KHDRBS2: variants seen among roughly 807,000 people sequenced by gnomAD.
The protein encoded by KHDRBS2 is KH domain-containing, RNA-binding, signal transduction-associated protein 2.
KHDRBS2 carries 26 observed loss-of-function variants against 44.3 expected under a neutral mutation model. The observed-to-expected ratio is 0.59, with a 90% CI of 0.43 to 0.81. KHDRBS2 has a LOEUF of 0.81. Ranked by LOEUF, KHDRBS2 falls within the 40% of genes least tolerant of loss-of-function variation. The probability of loss-of-function intolerance (pLI) is 0.00; values close to 1 mark genes in which losing one functional copy is unlikely to be tolerated. For missense variants in KHDRBS2, 476 were observed against 433.1 expected, an observed-to-expected ratio of 1.10 and a Z score of -0.88; for synonymous variants, 194 against 151.1, an observed-to-expected ratio of 1.28 and a Z score of -2.08.
chr6:61,727,088 G>A (rs894854509), intron 7 of KHDRBS2, among the ~76,000 whole-genome samples: 3 of 151,930 alleles, frequency 2.0e-5, no homozygotes, highest in African/African-American at 7.3e-5. Flanking sequence ...TAGAACAATG[G>A]AACAGAATAA....
chr6:62,060,174 T>G (rs1005205079), intron 2 of KHDRBS2, among the ~76,000 whole-genome samples: 13 of 151,596 alleles, frequency 8.6e-5, no homozygotes, highest in African/African-American at 2.9e-4. Context: ...AAGTAATTCG[T>G]TTTGAAGGGG....
chr6:62,026,738 T>C (rs1442965952), intron 3 of KHDRBS2, among the ~76,000 whole-genome samples: 2 of 152,076 alleles, frequency 1.3e-5, no homozygotes, highest in Admixed American at 1.3e-4. Flanking sequence ...TAAAAGTTAG[T>C]ATGATTGAAT....
intron 6 of KHDRBS2, among the ~76,000 whole-genome samples, chr6:61,862,002 T>C (rs1478709140): frequency 1.3e-5 from 2 of 152,124 alleles, no homozygotes; most frequent in African/African-American, 4.8e-5. Flanking sequence ...ATTAATGATT[T>C]GGTTCCCTGC....
chr6:62,138,539 T>TA (rs1812066739), intron 2 of KHDRBS2, among the ~76,000 whole-genome samples: 1 of 152,218 alleles, frequency 6.6e-6, no homozygotes, highest in Non-Finnish European at 1.5e-5. Context: ...AGTCTGATTT[T>TA]AAAAAGTGAT....
chr6:61,914,475 C>G (rs1431461855), intron 4 of KHDRBS2, among the ~76,000 whole-genome samples: 2 of 132,850 alleles, frequency 1.5e-5, no homozygotes, highest in Non-Finnish European at 3.0e-5. Flanking sequence ...CACATGGACA[C>G]AGGAAGGGGA....
chr6:61,837,809 G>C (rs1329863983), intron 6 of KHDRBS2, among the ~76,000 whole-genome samples: 2 of 151,954 alleles, frequency 1.3e-5, no homozygotes, highest in African/African-American at 4.8e-5. Context: ...TATAACACCT[G>C]CATACCATCC....
chr6:62,118,020 C>T (rs1438354852), intron 2 of KHDRBS2, among the ~76,000 whole-genome samples: 1 of 152,178 alleles, frequency 6.6e-6, no homozygotes, highest in Admixed American at 6.5e-5. Context: ...AAGTGATCTG[C>T]CCGCCTTGGC....
intron 1 of KHDRBS2, among the ~76,000 whole-genome samples, chr6:62,181,686 T>G (rs1167414897): frequency 6.6e-6 from 1 of 152,026 alleles, no homozygotes; most frequent in East Asian, 1.9e-4. Context: ...TCTGAAAGTT[T>G]GTGCCCCCAC....
chr6:61,713,459 C>A (rs1357177498), intron 7 of KHDRBS2, among the ~76,000 whole-genome samples: 1 of 151,648 alleles, frequency 6.6e-6, no homozygotes, highest in African/African-American at 2.4e-5. Context: ...TTTTCCAATT[C>A]TATGATTTAA....
intron 6 of KHDRBS2, among the ~76,000 whole-genome samples, chr6:61,820,546 A>G (rs1485735057): frequency 6.6e-6 from 1 of 152,016 alleles, no homozygotes; most frequent in Non-Finnish European, 1.5e-5. Context: ...ACAAATTCAG[A>G]TCTTAGGGAG....
At chr6:62,049,153 A>T (rs1788413455) in intron 2 of KHDRBS2, among the ~76,000 whole-genome samples, 1 of 151,930 alleles carries the variant, frequency 6.6e-6, no homozygotes, top group Non-Finnish European at 1.5e-5. Context: ...GTATAGGTAA[A>T]TAGATATGGT....
At chr6:62,060,115 G>C (rs1225164726) in intron 2 of KHDRBS2, among the ~76,000 whole-genome samples, 3 of 151,754 alleles carry the variant, frequency 2.0e-5, no homozygotes, top group Admixed American at 1.3e-4. Context: ...CTGGCAGAAG[G>C]AGTAACATGT....
the KHDRBS2 span, among the ~76,000 whole-genome samples, chr6:61,647,264 G>T: frequency 6.6e-6 from 1 of 152,102 alleles, no homozygotes; most frequent in Admixed American, 6.6e-5. Flanking sequence ...TATGTTTACT[G>T]AGAGCAATAA....
intron 2 of KHDRBS2, among the ~76,000 whole-genome samples, chr6:62,101,660 T>C (rs1236670696): frequency 6.6e-6 from 1 of 152,180 alleles, no homozygotes; most frequent in African/African-American, 2.4e-5. Flanking sequence ...GGGAAACAGG[T>C]ATCAAAGATG....
chr6:61,898,887 CAAT>C (rs1803427483), intron 5 of KHDRBS2, among the ~76,000 whole-genome samples: 1 of 151,794 alleles, frequency 6.6e-6, no homozygotes, highest in South Asian at 2.1e-4. Flanking sequence ...TTATGTGAAA[CAAT>C]ATCTAACTCT....
At chr6:61,603,952 C>T in the KHDRBS2 span, among the ~76,000 whole-genome samples, 1 of 152,146 alleles carries the variant, frequency 6.6e-6, no homozygotes, top group South Asian at 2.1e-4. Flanking sequence ...TCCACCACGC[C>T]TAATCACCAC....
intron 7 of KHDRBS2, among the ~76,000 whole-genome samples, chr6:61,728,374 A>G (rs1773915833): frequency 6.6e-6 from 1 of 152,116 alleles, no homozygotes. Flanking sequence ...TAATCTGTGC[A>G]GCAAACCAGC....
intron 1 of KHDRBS2, among the ~76,000 whole-genome samples, chr6:62,270,737 GA>G (rs544514754): frequency 1.6e-4 from 25 of 151,910 alleles, no homozygotes; most frequent in Admixed American, 5.9e-4. Flanking sequence ...AGTAGATAAG[GA>G]AAAAAATCTT....
At chr6:61,970,716 A>G (rs1327287814) in intron 4 of KHDRBS2, among the ~76,000 whole-genome samples, 1 of 152,170 alleles carries the variant, frequency 6.6e-6, no homozygotes, top group African/African-American at 2.4e-5. Context: ...AAGGCCAACT[A>G]GATTATTACA....
Sources: gnomAD v4.1 joint callset for allele counts (sites outside exome capture counted in the v4.1 genomes callset) on GRCh38, gnomAD v4.1.1 for gene constraint, MANE v1.5 for transcripts, NCBI Gene and HGNC (gene_info 2026-07-23, HGNC 2026-07-21) for gene names.